Variants in PRCD observed in about 807,000 individuals in gnomAD.
PRCD encodes the protein photoreceptor disk component PRCD.
A neutral mutation model predicts 10.1 loss-of-function variants in PRCD; 12 were observed. The observed-to-expected ratio is 1.18, with a 90% CI of 0.76 to 1.92. The LOEUF is 1.92. Among genes scored for constraint, PRCD ranks in the 40% most tolerant of loss-of-function variants. The probability of loss-of-function intolerance (pLI) is 0.00; values close to 1 mark genes in which losing one functional copy is unlikely to be tolerated. For synonymous variants in PRCD, 31 were observed against 26.2 expected (o/e 1.18, Z -0.56); for missense variants, 61 against 72.2 (o/e 0.84, Z 0.56).
chr17:76,551,855 T>C (rs1375682014), intron 1 of PRCD: 1 of 151,968 alleles, frequency 6.6e-6, no homozygotes, highest in East Asian at 1.9e-4. Context: ...TGCCTTCACT[T>C]ATGAGTTCCT....
Position 76,544,756 on chromosome 17 carries a change from A to G in PRCD, c.*1106A>G, listed in dbSNP as rs2075034710. On this transcript the variant is annotated 3_prime_UTR_variant, in exon 5 of 5. Transcript: ENST00000592014. ...CCGATCCTATCTGCATTTATTCTCT[A>G]TTTGCCATGTTCCTGTCACCTCATC... is the stretch of plus-strand genomic sequence containing the variant. 1 of 456,546 alleles carries G rather than the reference A, an allele frequency of 2.2e-6. No individual in the cohort carries two copies. The highest frequency in any genetic ancestry group is 4.4e-6 in the Non-Finnish European group (1 of 226,940). 28.3% of individuals were successfully genotyped at this position (456,546 alleles called of 1,614,324 possible).
At chr17:76,537,269 C>A (rs2074927347), upstream of PRCD, 14 of 1,107,920 alleles carry the variant, frequency 1.3e-5, no homozygotes, top group Non-Finnish European at 1.5e-5. Context: ...GCCTGCTCCG[C>A]CGACCTCGGA....
chr17:76,538,146 G>A (rs958831695), upstream of PRCD: 5 of 159,756 alleles, frequency 3.1e-5, no homozygotes, highest in African/African-American at 1.2e-4. Flanking sequence ...CAACACTCCC[G>A]AGCTTTCGCG....
At chr17:76,538,408 T>C (rs986348549), upstream of PRCD, 2 of 425,342 alleles carry the variant, frequency 4.7e-6, no homozygotes, top group Non-Finnish European at 9.8e-6. Flanking sequence ...GCCAGAGGCC[T>C]GCGCCCCCTC....
chr17:76,545,047 A>G lies in PRCD; in HGVS notation c.*1397A>G, dbSNP rs4232870. 0.54 allele frequency: 240,946 copies of G among 443,206 alleles called. 69,629 individuals carry two copies. The highest frequency in any genetic ancestry group is 0.73 in the East Asian group (10,371 of 14,128). The allele number at this position is 443,206 out of a possible 1,614,324, so 27.5% of individuals were successfully genotyped here. A position where few individuals can be genotyped will look rare whatever the true frequency, so the allele number is the denominator to read the frequency against. ...AGGTTGCCTGGGCAGCTGGGGTGCCATGTGGGCCGGGTGGGGGGGCTGTCT... is the reference window on the plus strand; with the variant it reads ...AGGTTGCCTGGGCAGCTGGGGTGCCGTGTGGGCCGGGTGGGGGGGCTGTCT... On this transcript the variant is annotated 3_prime_UTR_variant, in exon 5 of 5. Coordinates refer to ENST00000592014, the MANE Select transcript of PRCD (RefSeq NM_001077620.3).
At chr17:76,547,659 A>G (rs1445709044), downstream of PRCD, among the ~76,000 whole-genome samples, 1 of 151,608 alleles carries the variant, frequency 6.6e-6, no homozygotes, top group East Asian at 1.9e-4. Context: ...ACACACACAC[A>G]CACATATTCA....
chr17:76,536,161 G>C (rs1242273702), upstream of PRCD, among the ~76,000 whole-genome samples: 1 of 152,196 alleles, frequency 6.6e-6, no homozygotes, highest in Non-Finnish European at 1.5e-5. Flanking sequence ...GGGCTGCTGA[G>C]ATAGCTGCCC....
In PRCD at chr17:76,540,617, G is replaced by A; in HGVS notation, c.143+44G>A. The A allele has an allele frequency of 6.3e-7, 1 of 1,591,974 alleles. No individual in the cohort carries two copies. The highest frequency in any genetic ancestry group is 2.2e-5 in the East Asian group (1 of 44,706). ...CTGGGGGAGGGAGGGTGCTGCCAAG[G>A]AAGCTGTGGCTGTGCATGCCTGGGG... On this transcript the variant is annotated intron_variant, in intron 2 of 4. Coordinates refer to ENST00000592014, the MANE Select transcript of PRCD (RefSeq NM_001077620.3). The surrounding 1 kb of genome is among the most constrained non-coding windows in gnomAD (Gnocchi z 5.0).
In PRCD at chr17:76,531,246, G is replaced by C. The variant is rs2074837239; in HGVS notation, n.45+3413G>C. 1 of 1,338,334 alleles carries C rather than the reference G, an allele frequency of 7.5e-7. No individual in the cohort carries two copies. Among genetic ancestry groups the C allele is most frequent in the Non-Finnish European group, 1.0e-6 (1 of 974,250 alleles). 82.9% of individuals were successfully genotyped at this position (1,338,334 alleles called of 1,614,324 possible). A position where few individuals can be genotyped will look rare whatever the true frequency, so the allele number is the denominator to read the frequency against. The stretch of plus-strand genomic sequence containing the variant: ...TGTGGCCGAGAGGATCATTCCTAAC[G>C]CAACAGTCTGGCAGCTTTGGGAACC... On this transcript the variant is annotated intron_variant and non_coding_transcript_variant, in intron 1 of 4. Transcript: ENST00000397633. The surrounding 1 kb of genome is among the most constrained non-coding windows in gnomAD (Gnocchi z 7.4).
chr17:76,541,980 C>T (rs1428925285), intron 2 of PRCD, among the ~76,000 whole-genome samples: 1 of 152,154 alleles, frequency 6.6e-6, no homozygotes. Context: ...CTTTAGTTTT[C>T]TCCAGAGGTT....
At position 76,530,538 on chromosome 17, in the gene PRCD, GC is replaced by G. The variant is rs1440910133; in HGVS notation, n.45+2706del. Among the ~76,000 whole-genome samples the G allele has an allele frequency of 6.6e-6, 1 of 152,156 alleles. No individual in the cohort carries two copies. Among genetic ancestry groups the G allele is most frequent in the Non-Finnish European group, 1.5e-5 (1 of 68,024 alleles). ...GGCTCTAGCCCTATTGAGGCAGAGG[GC>G]ATTTAGCAGCACTGGTCGGCATGAG... On this transcript the variant is annotated intron_variant and non_coding_transcript_variant, in intron 1 of 4. Transcript: ENST00000397633. The surrounding 1 kb of genome is among the most constrained non-coding windows in gnomAD (Gnocchi z 6.1).
At chr17:76,529,676 C>T (rs2074811564) in intron 1 of PRCD, 2 of 985,296 alleles carry the variant, frequency 2.0e-6, no homozygotes, top group South Asian at 4.7e-5. Context: ...CCCTCCCCTC[C>T]TCTTCCCCTG....
chr17:76,535,994 G>A (rs965338080), upstream of PRCD, among the ~76,000 whole-genome samples: 1 of 152,318 alleles, frequency 6.6e-6, no homozygotes, highest in Admixed American at 6.5e-5. Context: ...GGCACCCTCC[G>A]AGGACGCAGT....
At chr17:76,537,627 G>C (rs2074934927), upstream of PRCD, 1 of 978,688 alleles carries the variant, frequency 1.0e-6, no homozygotes, top group Non-Finnish European at 1.2e-6. Context: ...CGGGAGCCGG[G>C]GCCGGCTGCG....
upstream of PRCD, chr17:76,538,262 G>A (rs1384307299): frequency 1.0e-5 from 2 of 190,530 alleles, no homozygotes; most frequent in Admixed American, 1.3e-4. Context: ...CCGCGCCCCC[G>A]AGCCAGCCGC....
At chr17:76,551,234 CA>C (rs1198502176) in intron 1 of PRCD, 1 of 152,202 alleles carries the variant, frequency 6.6e-6, no homozygotes, top group Non-Finnish European at 1.5e-5. Flanking sequence ...AACACCACCA[CA>C]AGCAAAGGTT....
intron 1 of PRCD, among the ~76,000 whole-genome samples, chr17:76,532,446 G>A (rs746206489): frequency 4.0e-5 from 6 of 151,796 alleles, no homozygotes; most frequent in African/African-American, 4.8e-5. Flanking sequence ...TCCTTCCAGC[G>A]TGTCAGACTG....
At chr17:76,537,637 G>A (rs957241642), upstream of PRCD, 8 of 969,022 alleles carry the variant, frequency 8.3e-6, no homozygotes, top group Middle Eastern at 5.2e-4. Context: ...GGCCGGCTGC[G>A]TGCGCGGCGG....
At chr17:76,529,526 A>G (rs2074809390) in intron 1 of PRCD, 1 of 985,426 alleles carries the variant, frequency 1.0e-6, no homozygotes, top group Non-Finnish European at 1.2e-6. Flanking sequence ...GCGCCCAGCC[A>G]GCTCTCTTTC....
Sources: gnomAD v4.1 joint callset for allele counts (sites outside exome capture counted in the v4.1 genomes callset) on GRCh38, gnomAD v4.1.1 for gene constraint, Gnocchi (gnomAD v3.1) non-coding constraint, MANE v1.5 for transcripts, NCBI Gene and HGNC (gene_info 2026-07-23, HGNC 2026-07-21) for gene names.